The following PDPR variants were observed in gnomAD, a reference collection of about 807,000 sequenced individuals.
PDPR encodes pyruvate dehydrogenase phosphatase regulatory subunit.
Under a neutral mutation model 102.2 loss-of-function variants are expected in PDPR, and 50 were observed. The ratio of observed to expected loss-of-function variants is 0.49; its 90% CI spans 0.39 to 0.62. The LOEUF is 0.62. PDPR is among the 20% of genes least tolerant of loss of function. PDPR has a pLI of 0.00. For missense variants in PDPR, 625 were observed against 1,098.2 expected (o/e 0.57, Z 6.09); for synonymous variants, 259 against 406.0 (o/e 0.64, Z 4.35).
chr16:70,125,736 C>T (rs775170381), intron 3 of PDPR, among the ~76,000 whole-genome samples: 13 of 152,074 alleles, frequency 8.5e-5, no homozygotes, highest in Admixed American at 2.6e-4. Flanking sequence ...TGGGTTCAGG[C>T]GATCCTCCTG....
At position 70,154,644 on chromosome 16, in the gene PDPR, C is replaced by T. The variant is rs561794113; in HGVS notation, c.2235+1071C>T. Among the ~76,000 whole-genome samples the T allele has an allele frequency of 4.6e-5, 7 of 152,320 alleles. No individual in the cohort carries two copies. The East Asian group carries it at 9.7e-4, about 21-fold the overall frequency. On this transcript the variant is annotated intron_variant, in intron 18 of 18. Coordinates refer to ENST00000288050, the MANE Select transcript of PDPR (RefSeq NM_017990.5). ...GCTGCCTAATTTTTGTGGTTTTTTT[C>T]TTTTGTTTTTGATTTTGAGGTGGGG...
At chr16:70,147,871 C>T (rs546394642) in intron 16 of PDPR, among the ~76,000 whole-genome samples, 36 of 152,354 alleles carry the variant, frequency 2.4e-4, no homozygotes, top group African/African-American at 8.2e-4. Flanking sequence ...GCGAGTGCTG[C>T]ATCCTGTCAG....
At position 70,156,986 on chromosome 16, in the gene PDPR, T is replaced by A; in HGVS notation, c.*107T>A. The A allele has an allele frequency of 6.9e-7, 1 of 1,444,072 alleles. No individual in the cohort carries two copies. The highest frequency in any genetic ancestry group is 2.5e-5 in the East Asian group (1 of 40,228). The allele number at this position is 1,444,072 out of a possible 1,614,324, so 89.5% of individuals were successfully genotyped here. A position where few individuals can be genotyped will look rare whatever the true frequency, so the allele number is the denominator to read the frequency against. On this transcript the variant is annotated 3_prime_UTR_variant, in exon 19 of 19. Coordinates refer to ENST00000288050, the MANE Select transcript of PDPR (RefSeq NM_017990.5). ...CTGTTCCTCTTCTGGAGCCTTTGCCTCCCATCTCTTATCTCCTTGATATAA... is the reference window on the plus strand; with the variant it reads ...CTGTTCCTCTTCTGGAGCCTTTGCCACCCATCTCTTATCTCCTTGATATAA...
At chr16:70,120,262 G>A (rs973730312) in intron 2 of PDPR, 199 bp from the exon 3 acceptor site, 1 of 472,022 alleles carries the variant, frequency 2.1e-6, no homozygotes, top group Admixed American at 3.4e-5. Flanking sequence ...GTGTTAGCCA[G>A]GATGGTCTCG....
chr16:70,143,494 T>C lies in PDPR; in HGVS notation c.1606-16T>C. 6.2e-7 allele frequency: 1 copy of C among 1,613,230 alleles called. No individual in the cohort carries two copies. The highest frequency in any genetic ancestry group is 8.5e-7 in the Non-Finnish European group (1 of 1,179,380). ...TCTCACGCTCACTCTCTCTGTTTCA[T>C]TCCCTAACCCTGCAGTCCACTGGGG... On this transcript the variant is annotated splice_polypyrimidine_tract_variant and intron_variant, in intron 13 of 18. Transcript: ENST00000288050.
intron 14 of PDPR, 62 bp from the exon 15 acceptor site, chr16:70,144,359 G>T (rs1267133838): frequency 2.1e-6 from 1 of 467,306 alleles, no homozygotes; most frequent in African/African-American, 2.2e-5. Context: ...AATAAGATTT[G>T]ATTGCTTCCT....
At chr16:70,140,792 G>C (rs1317937613) in intron 11 of PDPR, among the ~76,000 whole-genome samples, 1 of 152,212 alleles carries the variant, frequency 6.6e-6, no homozygotes, top group African/African-American at 2.4e-5. Flanking sequence ...TCTAGCCTGG[G>C]TGATAGAGAG....
rs1260695132 is a variant in PDPR at position 70,149,005 on chromosome 16, C to T, written c.2052+452C>T. ...GACCTCTTGGGCTCAAGCCACCCTC[C>T]CACCTCCGCCTCCCGAGTAGCTGGG... On this transcript the variant is annotated intron_variant, in intron 17 of 18. Transcript: ENST00000288050. Among the ~76,000 whole-genome samples, 8 of 152,090 alleles carry T rather than the reference C, an allele frequency of 5.3e-5. No homozygotes were observed. In the East Asian group the frequency reaches 1.5e-3, roughly 29 times the overall value.
chr16:70,125,460 A>C (rs1963847182), intron 3 of PDPR, among the ~76,000 whole-genome samples: 1 of 151,446 alleles, frequency 6.6e-6, no homozygotes, highest in Non-Finnish European at 1.5e-5. Flanking sequence ...AGACTGAGGC[A>C]GGAGAATAGC....
intron 17 of PDPR, 144 bp downstream of exon 17, chr16:70,148,697 C>A (rs1480964827): frequency 1.8e-5 from 13 of 720,162 alleles, no homozygotes; most frequent in Non-Finnish European, 3.2e-5. Context: ...TCTGATTGGG[C>A]CTTGGGAGCT....
rs1967707018 is a variant in PDPR, at chr16:70,160,802, A to G, written c.*3923A>G. The stretch of plus-strand genomic sequence containing the variant: ...CCGTCTTGGTGGCAGTAGCGATGCA[A>G]GAATGATGGGAGCTTTCCGAGAGCG... On this transcript the variant is annotated 3_prime_UTR_variant, in exon 19 of 19. Transcript: ENST00000288050. 1 of 152,532 alleles carries G rather than the reference A, an allele frequency of 6.6e-6. No homozygotes were observed. Among genetic ancestry groups the G allele is most frequent in the Non-Finnish European group, 1.5e-5 (1 of 68,194 alleles). 9.4% of individuals were successfully genotyped at this position (152,532 alleles called of 1,614,324 possible). A position where few individuals can be genotyped will look rare whatever the true frequency, so the allele number is the denominator to read the frequency against.
In PDPR at chr16:70,120,488, G is replaced by A. The variant is rs374699194; in HGVS notation, c.-5G>A. On this transcript the variant is annotated 5_prime_UTR_variant, in exon 3 of 19. Transcript: ENST00000288050. ...TGAGTTCCTGAGATCTAGTTGGTGAGAGACATGATGTTCTACCGGTTGCTG... is the reference window on the plus strand; with the variant it reads ...TGAGTTCCTGAGATCTAGTTGGTGAAAGACATGATGTTCTACCGGTTGCTG... The A allele has an allele frequency of 8.1e-4, 1,312 of 1,612,530 alleles. 1 individual carries two copies. The highest frequency in any genetic ancestry group is 8.8e-4 in the Non-Finnish European group (1,040 of 1,178,698).
chr16:70,116,297 A>C (rs1473520587), intron 2 of PDPR, among the ~76,000 whole-genome samples: 3 of 131,284 alleles, frequency 2.3e-5, no homozygotes, highest in Non-Finnish European at 3.4e-5. Flanking sequence ...GGCTGGTCTC[A>C]AACTCCTGAC....
chr16:70,161,281 CAA>C lies in PDPR; in HGVS notation c.*4420_*4421del, dbSNP rs56353884. 8.3e-4 allele frequency: 108 copies of C among 130,740 alleles called. No homozygotes were observed. Among genetic ancestry groups the C allele is most frequent in the African/African-American group, 9.6e-4 (33 of 34,554 alleles). 8.1% of individuals were successfully genotyped at this position (130,740 alleles called of 1,614,324 possible). A position where few individuals can be genotyped will look rare whatever the true frequency, so the allele number is the denominator to read the frequency against. On this transcript the variant is annotated 3_prime_UTR_variant, in exon 19 of 19. Transcript: ENST00000288050. Reference sequence around the variant, plus strand: ...GGGTAACAGAGTGAGACTCTTGTCTCAAAAAAAAAAAAAAAAAAATCTAAGAT... The same window carrying C: ...GGGTAACAGAGTGAGACTCTTGTCTCAAAAAAAAAAAAAAAAATCTAAGAT...
chr16:70,144,380 C>T (rs1280048229), intron 14 of PDPR, 41 bp from the exon 15 acceptor site: 1 of 515,052 alleles, frequency 1.9e-6, no homozygotes, highest in African/African-American at 2.1e-5. Context: ...GATCCTTTTG[C>T]TGCTACCTGG....
At chr16:70,129,470 G>A (rs1236591650) in intron 6 of PDPR, among the ~76,000 whole-genome samples, 2 of 152,242 alleles carry the variant, frequency 1.3e-5, no homozygotes, top group African/African-American at 2.4e-5. Flanking sequence ...TCAGCCTCCC[G>A]AGTAGGTGGG....
intron 16 of PDPR, among the ~76,000 whole-genome samples, chr16:70,147,963 G>A (rs1463896944): frequency 3.9e-5 from 6 of 152,308 alleles, no homozygotes; most frequent in South Asian, 4.1e-4. Flanking sequence ...GTCAGTGGCC[G>A]CTGTTAGGGA....
chr16:70,132,654 T>C (rs868025345), intron 9 of PDPR, among the ~76,000 whole-genome samples: 1,400 of 132,382 alleles, frequency 0.011, 1 homozygote, highest in Non-Finnish European at 0.015. Flanking sequence ...TAGCTTTTTT[T>C]TTTTCTTCTT....
rs887035229 is a variant in PDPR at position 70,161,016 on chromosome 16, T to C, written c.*4137T>C. On this transcript the variant is annotated 3_prime_UTR_variant, in exon 19 of 19. Transcript: ENST00000288050. Reference sequence around the variant, plus strand: ...AGAAGACTGGCCTGGCGGAGGAATTTGCGTTGGCTTGCTTTCAGGGGTTAG... The same window carrying C: ...AGAAGACTGGCCTGGCGGAGGAATTCGCGTTGGCTTGCTTTCAGGGGTTAG... The C allele has an allele frequency of 2.6e-5, 4 of 152,762 alleles. No individual in the cohort carries two copies. The highest frequency in any genetic ancestry group is 6.5e-5 in the Admixed American group (1 of 15,308). 9.5% of individuals were successfully genotyped at this position (152,762 alleles called of 1,614,324 possible).
Sources: gnomAD v4.1 joint callset for allele counts (sites outside exome capture counted in the v4.1 genomes callset) on GRCh38, gnomAD v4.1.1 for gene constraint, MANE v1.5 for transcripts, NCBI Gene and HGNC (gene_info 2026-07-23, HGNC 2026-07-21) for gene names.